DYRK4: variants seen among roughly 807,000 people sequenced by gnomAD.
DYRK4 encodes the protein dual specificity tyrosine-phosphorylation-regulated kinase 4.
DYRK4 carries 64 observed loss-of-function variants against 68.3 expected under a neutral mutation model. That is an observed-to-expected ratio of 0.94 (90% CI 0.77 to 1.15). The LOEUF (loss-of-function observed/expected upper bound fraction) is 1.15, where lower values mean the gene tolerates loss of function less well. Ranked by LOEUF, DYRK4 falls within the 50% of genes most tolerant of loss-of-function variation. DYRK4 has a pLI of 0.00. For synonymous variants in DYRK4, 274 were observed against 289.9 expected (o/e 0.95, Z 0.56); for missense variants, 740 against 764.7 (o/e 0.97, Z 0.38).
chr12:4,579,005 A>G (rs964458136), intron 2 of DYRK4, among the ~76,000 whole-genome samples: 1 of 152,214 alleles, frequency 6.6e-6, no homozygotes, highest in African/African-American at 2.4e-5. Context: ...GGCCGGGTGC[A>G]GTGGCTCATG....
At chr12:4,587,954 C>T (rs956219264) in intron 2 of DYRK4, among the ~76,000 whole-genome samples, 12 of 152,232 alleles carry the variant, frequency 7.9e-5, no homozygotes, top group Admixed American at 5.9e-4. Context: ...ACCAGAACTT[C>T]GATTCAAGCT....
Position 4,602,332 on chromosome 12 carries a change from TG to T in DYRK4, c.1126+2545del, listed in dbSNP as rs575115724. The T allele has an allele frequency of 2.1e-3, 1,882 of 895,420 alleles. 21 individuals are homozygous for T. In the African/African-American group the frequency reaches 0.027, roughly 13 times the overall value. The allele number at this position is 895,420 out of a possible 1,614,324, so 55.5% of individuals were successfully genotyped here. A position where few individuals can be genotyped will look rare whatever the true frequency, so the allele number is the denominator to read the frequency against. ...TTCTTCCTCTTCTTCTATTTTCTGT[TG>T]CTCTTCCTCTCTTTTCAGCTTTTCT... On this transcript the variant is annotated intron_variant, in intron 10 of 14. Transcript: ENST00000543431.
At position 4,588,903 on chromosome 12, in the gene DYRK4, A is replaced by C. The variant is rs982214957; in HGVS notation, c.133-34A>C. ...ATACAGTGTGGGATAAAGCCATGCC[A>C]AGCATTGTTCCTATTTTCTTCCACT... On this transcript the variant is annotated intron_variant, in intron 2 of 14. Transcript: ENST00000543431. The C allele has an allele frequency of 6.5e-6, 10 of 1,529,266 alleles. No homozygotes were observed. In the African/African-American group the frequency reaches 1.4e-4, roughly 21 times the overall value. 94.7% of individuals were successfully genotyped at this position (1,529,266 alleles called of 1,614,324 possible).
chr12:4,608,807 C>T (rs1444515389), intron 12 of DYRK4, among the ~76,000 whole-genome samples: 2 of 152,188 alleles, frequency 1.3e-5, no homozygotes, highest in African/African-American at 4.8e-5. Context: ...GACCTTGCCT[C>T]TGAGCAGGGC....
At chr12:4,586,903 C>T (rs1171715013) in intron 2 of DYRK4, among the ~76,000 whole-genome samples, 1 of 152,176 alleles carries the variant, frequency 6.6e-6, no homozygotes, top group Non-Finnish European at 1.5e-5. Flanking sequence ...CTCCCTTAAT[C>T]CTCACAGTGT....
intron 11 of DYRK4, among the ~76,000 whole-genome samples, chr12:4,606,280 A>T (rs1011271838): frequency 2.1e-5 from 3 of 145,258 alleles, no homozygotes; most frequent in Non-Finnish European, 4.5e-5. Flanking sequence ...ACACCAAGCT[A>T]GCTGGCTGGC....
rs184433123 is a variant in DYRK4 at position 4,584,619 on chromosome 12, G to A, written c.133-4318G>A. Among the ~76,000 whole-genome samples the A allele has an allele frequency of 5.7e-4, 82 of 144,210 alleles. 1 individual carries two copies. The highest frequency in any genetic ancestry group is 2.0e-3 in the African/African-American group (79 of 38,896). The allele number at this position is 144,210 out of a possible 152,430, so 94.6% of individuals were successfully genotyped here. ...CGCCCAGGCTGGAGTACACTGGTGCGATCTTGGCTCACTGCAAGCTCTGCC... is the reference window on the plus strand; with the variant it reads ...CGCCCAGGCTGGAGTACACTGGTGCAATCTTGGCTCACTGCAAGCTCTGCC... On this transcript the variant is annotated intron_variant, in intron 2 of 14. Coordinates refer to ENST00000543431, the MANE Select transcript of DYRK4 (RefSeq NM_001394779.1).
chr12:4,610,564 A>G, intron 13 of DYRK4: 1 of 227,290 alleles, frequency 4.4e-6, no homozygotes, highest in Non-Finnish European at 8.5e-6. Context: ...TACACAGCGT[A>G]TGGTAGAGTT....
rs1446715134 is a variant in DYRK4, at chr12:4,612,665, C to T, written c.1613C>T (p.Pro538Leu). The T allele has an allele frequency of 5.0e-6, 8 of 1,613,960 alleles. No individual in the cohort carries two copies. Among genetic ancestry groups the T allele is most frequent in the South Asian group, 4.4e-5 (4 of 91,090 alleles). The change falls in exon 14 of 15, where the codon CCC (proline) becomes CTC (leucine). Residue 538 changes from proline (P) to leucine (L), a missense_variant. Physicochemically the swap from Pro to Leu is moderately conservative, Grantham distance 98. Around this residue, in one of 3 missense-constraint regions of DYRK4, gnomAD observed 614 missense variants for 603.7 expected, o/e 1.02. Coordinates refer to ENST00000543431, the MANE Select transcript of DYRK4 (RefSeq NM_001394779.1). The stretch of plus-strand genomic sequence containing the variant: ...CTGAGGAAATCCAATTCCTTTTTCC[C>T]CTCTGAGACAAGGAAGGACAAGGTT... ...QTLRKSNSFF[P>L]SETRKDKVQG...
At chr12:4,573,547 C>T (rs1944753937) in intron 2 of DYRK4, among the ~76,000 whole-genome samples, 1 of 152,150 alleles carries the variant, frequency 6.6e-6, no homozygotes, top group Non-Finnish European at 1.5e-5. Flanking sequence ...TTGAAAGCTT[C>T]TTCAGGCCAT....
chr12:4,598,419 A>G (rs1022657471), intron 8 of DYRK4, among the ~76,000 whole-genome samples: 1 of 152,210 alleles, frequency 6.6e-6, no homozygotes, highest in Non-Finnish European at 1.5e-5. Flanking sequence ...TTGTATTAAT[A>G]TTAGTTTCTA....
At chr12:4,588,102 C>CAGG (rs1944915611) in intron 2 of DYRK4, among the ~76,000 whole-genome samples, 1 of 152,206 alleles carries the variant, frequency 6.6e-6, no homozygotes, top group African/African-American at 2.4e-5. Context: ...ATCTGTTGCT[C>CAGG]AGGCTGGAGT....
intron 2 of DYRK4, among the ~76,000 whole-genome samples, chr12:4,572,541 C>T (rs1354754418): frequency 6.6e-5 from 10 of 152,160 alleles, no homozygotes; most frequent in Admixed American, 1.3e-4. Flanking sequence ...GTGATCCATC[C>T]GCCTTGGCCT....
chr12:4,604,886 C>G (rs755925623), intron 10 of DYRK4, 28 bp from the exon 11 acceptor site: 4 of 1,550,882 alleles, frequency 2.6e-6, no homozygotes, highest in East Asian at 4.7e-5. Flanking sequence ...GTTTGTCCCA[C>G]GAGGTTTCTC....
chr12:4,599,171 G>A lies in DYRK4; in HGVS notation c.1044+5G>A, dbSNP rs1945051520. 2.5e-6 allele frequency: 4 copies of A among 1,612,622 alleles called. No individual in the cohort carries two copies. The highest frequency in any genetic ancestry group is 2.7e-5 in the African/African-American group (2 of 74,804). On this transcript the variant is annotated splice_donor_5th_base_variant and intron_variant, in intron 9 of 14. Transcript: ENST00000543431. ...ATTCACTGTGATCTCAAGCCCGTGA[G>A]TACCATCTCCGTCCTGCCATGGACA... is the stretch of plus-strand genomic sequence containing the variant.
intron 2 of DYRK4, among the ~76,000 whole-genome samples, chr12:4,578,337 A>T (rs945771671): frequency 7.2e-6 from 1 of 139,796 alleles, no homozygotes; most frequent in African/African-American, 3.1e-5. Flanking sequence ...ATTTCTTCAA[A>T]CCTGTCTTTT....
intron 10 of DYRK4, chr12:4,601,876 T>TTG (rs58259135): frequency 0.052 from 8,116 of 157,396 alleles, 303 homozygotes; most frequent in South Asian, 0.14. Context: ...TCTGTAGGGT[T>TTG]TGTGTGTGTG....
At chr12:4,582,885 G>A (rs1357530600) in intron 2 of DYRK4, among the ~76,000 whole-genome samples, 1 of 152,126 alleles carries the variant, frequency 6.6e-6, no homozygotes, top group African/African-American at 2.4e-5. Flanking sequence ...TCTGCTCCCT[G>A]GTAAGTTGCT....
chr12:4,597,388 G>A (rs1347720091), intron 8 of DYRK4, among the ~76,000 whole-genome samples: 1 of 152,254 alleles, frequency 6.6e-6, no homozygotes, highest in African/African-American at 2.4e-5. Context: ...CGAGCTGGTA[G>A]CTCACTGCCC....
Sources: gnomAD v4.1 joint callset for allele counts (sites outside exome capture counted in the v4.1 genomes callset) on GRCh38, gnomAD v4.1.1 for gene constraint, gnomAD v4.1.1 regional missense constraint, MANE v1.5 for transcripts, NCBI Gene and HGNC (gene_info 2026-07-23, HGNC 2026-07-21) for gene names.